The following CNTNAP3B variants were observed in gnomAD, a reference collection of about 807,000 sequenced individuals.
CNTNAP3B encodes the protein contactin associated protein family member 3B.
Under a neutral mutation model 108.9 loss-of-function variants are expected in CNTNAP3B, and 25 were observed. That is an observed-to-expected ratio of 0.23 (90% CI 0.17 to 0.32). The LOEUF (loss-of-function observed/expected upper bound fraction) is 0.32. Ranked by LOEUF, CNTNAP3B falls within the 10% of genes least tolerant of loss-of-function variation. The probability of loss-of-function intolerance (pLI) is 1.00; values close to 1 mark genes in which losing one functional copy is unlikely to be tolerated. For missense variants in CNTNAP3B, 252 were observed against 1,210.4 expected (o/e 0.21, Z 11.75); for synonymous variants, 103 against 473.4 (o/e 0.22, Z 10.16).
intron 2 of CNTNAP3B, among the ~76,000 whole-genome samples, chr9:42,077,582 A>G (rs1827518781): frequency 7.6e-6 from 1 of 132,146 alleles, no homozygotes. Flanking sequence ...TTGATTTCAC[A>G]AAAGTACAGA....
chr9:42,077,048 T>A lies in CNTNAP3B; in HGVS notation c.211A>T (p.Thr71Ser). Reference sequence around the variant, plus strand: ...TGGTATTTATTTGACACAAGTGGGGTCCAGCCACCAGCTCCTTTTTTGAAA... The same window carrying A: ...TGGTATTTATTTGACACAAGTGGGGACCAGCCACCAGCTCCTTTTTTGAAA... Reference protein sequence around the residue: ...LNRRDGAGGWTPLVSNKYQWL... With the variant: ...LNRRDGAGGWSPLVSNKYQWL... Residue 71 changes from threonine (T) to serine (S), a missense_variant, in exon 3 of 24, where the codon ACC (threonine) becomes TCC (serine). Physicochemically the swap from Thr to Ser is moderately conservative, Grantham distance 58 (BLOSUM62 1). Coordinates refer to ENST00000377561, the MANE Select transcript of CNTNAP3B (RefSeq NM_001201380.3). 1 of 1,536,660 alleles carries A rather than the reference T, an allele frequency of 6.5e-7. No homozygotes were observed. The highest frequency in any genetic ancestry group is 8.8e-7 in the Non-Finnish European group (1 of 1,137,936).
chr9:42,113,433 A>C lies in CNTNAP3B; in HGVS notation c.86-8694T>G, dbSNP rs1828237924. 1.4e-5 allele frequency among the ~76,000 whole-genome samples: 2 copies of C among 140,118 alleles called. 1 individual carries two copies. The highest frequency in any genetic ancestry group is 5.6e-5 in the African/African-American group (2 of 35,456). The allele number at this position is 140,118 out of a possible 152,430, so 91.9% of individuals were successfully genotyped here. ...TTTGGCTAAAGTATATAATACGAGA[A>C]TAAGACGAACCTATTTTTTTGAGAC... On this transcript the variant is annotated intron_variant, in intron 1 of 23. Transcript: ENST00000377561.
chr9:41,940,607 C>CAGG lies in CNTNAP3B; in HGVS notation c.2081-2208_2081-2207insCCT, dbSNP rs1343072039. On this transcript the variant is annotated intron_variant, in intron 13 of 23. Transcript: ENST00000377561. ...GGCCGAGGTGGGCGGATCACGAGGT[C>CAGG]AGATCGAGACCATCCTGGCTAACAC... 7.2e-5 allele frequency among the ~76,000 whole-genome samples: 11 copies of CAGG among 152,360 alleles called. No homozygotes were observed. The East Asian group carries it at 1.5e-3, about 21-fold the overall frequency.
intron 18 of CNTNAP3B, among the ~76,000 whole-genome samples, chr9:41,918,665 T>A (rs1823582423): frequency 7.1e-6 from 1 of 141,726 alleles, no homozygotes; most frequent in Non-Finnish European, 1.5e-5. Flanking sequence ...ACTTACCATA[T>A]AACGTCTATC....
intron 14 of CNTNAP3B, among the ~76,000 whole-genome samples, chr9:41,935,004 G>C (rs1282166674): frequency 6.6e-6 from 1 of 152,096 alleles, no homozygotes; most frequent in African/African-American, 2.4e-5. Context: ...ACAACTTGTG[G>C]ATTTTTGCAG....
At chr9:41,983,709 A>T (rs1587175325) in intron 9 of CNTNAP3B, 2 of 91,000 alleles carry the variant, frequency 2.2e-5, no homozygotes, top group African/African-American at 8.3e-5. Context: ...TTTTCTGAGG[A>T]CTCCTATGTT....
intron 10 of CNTNAP3B, among the ~76,000 whole-genome samples, chr9:41,968,662 CACTA>C (rs1293389903): frequency 1.4e-5 from 2 of 142,522 alleles, no homozygotes; most frequent in African/African-American, 2.7e-5. Flanking sequence ...TTTAGTATGT[CACTA>C]ACTGTGAGTT....
At chr9:41,990,565 C>T (rs1400121735) in intron 8 of CNTNAP3B, among the ~76,000 whole-genome samples, 1 of 122,770 alleles carries the variant, frequency 8.1e-6, no homozygotes, top group Non-Finnish European at 1.7e-5. Context: ...GTCACATGTG[C>T]CTCTTACAGC....
intron 1 of CNTNAP3B, among the ~76,000 whole-genome samples, chr9:42,123,790 T>G (rs2118751532): frequency 7.4e-6 from 1 of 135,228 alleles, no homozygotes; most frequent in South Asian, 2.4e-4. Context: ...TATACTATTA[T>G]ACATATATAT....
At chr9:41,939,071 A>G (rs1336770379) in intron 13 of CNTNAP3B, among the ~76,000 whole-genome samples, 1 of 152,290 alleles carries the variant, frequency 6.6e-6, no homozygotes, top group African/African-American at 2.4e-5. Context: ...TGATTAAATG[A>G]TAGAGTCAGA....
At chr9:41,967,903 T>A (rs1343352422) in intron 10 of CNTNAP3B, among the ~76,000 whole-genome samples, 2 of 152,262 alleles carry the variant, frequency 1.3e-5, no homozygotes, top group Admixed American at 1.3e-4. Context: ...GGCTGAAGTT[T>A]AAGTGTGGCT....
intron 2 of CNTNAP3B, among the ~76,000 whole-genome samples, chr9:42,103,149 T>G (rs1828029526): frequency 7.9e-6 from 1 of 126,150 alleles, no homozygotes; most frequent in South Asian, 2.5e-4. Context: ...TTACCCCCTG[T>G]GCCCAGGCTT....
intron 15 of CNTNAP3B, among the ~76,000 whole-genome samples, chr9:41,925,198 T>C (rs1218436240): frequency 6.7e-6 from 1 of 148,504 alleles, no homozygotes; most frequent in African/African-American, 2.5e-5. Flanking sequence ...TACAATATAT[T>C]GATGGCTCCT....
At chr9:42,003,164 C>A (rs1216974338) in intron 4 of CNTNAP3B, among the ~76,000 whole-genome samples, 1 of 140,042 alleles carries the variant, frequency 7.1e-6, no homozygotes, top group Non-Finnish European at 1.5e-5. Context: ...GCTGGGATTA[C>A]AGGCATAAGC....
intron 1 of CNTNAP3B, among the ~76,000 whole-genome samples, chr9:42,111,329 G>A (rs1256180200): frequency 7.2e-6 from 1 of 139,000 alleles, no homozygotes; most frequent in Non-Finnish European, 1.5e-5. Flanking sequence ...ATGTTCTGGG[G>A]ATATAACCAT....
At chr9:41,933,230 G>T (rs1308058412) in intron 14 of CNTNAP3B, among the ~76,000 whole-genome samples, 5 of 152,396 alleles carry the variant, frequency 3.3e-5, no homozygotes, top group East Asian at 3.9e-4. Flanking sequence ...TTGTCATGGG[G>T]GGGGCTGTCC....
intron 3 of CNTNAP3B, among the ~76,000 whole-genome samples, chr9:42,075,317 T>TG (rs1410966865): frequency 6.9e-6 from 1 of 144,632 alleles, no homozygotes; most frequent in Non-Finnish European, 1.5e-5. Flanking sequence ...CATATGTCTT[T>TG]GGGAAACCAC....
At chr9:41,920,989 G>A (rs1417715448) in intron 17 of CNTNAP3B, among the ~76,000 whole-genome samples, 1 of 152,300 alleles carries the variant, frequency 6.6e-6, no homozygotes, top group African/African-American at 2.4e-5. Flanking sequence ...CACCTGTGTA[G>A]TGACAAACAC....
intron 13 of CNTNAP3B, among the ~76,000 whole-genome samples, chr9:41,941,470 A>T (rs1484127010): frequency 1.3e-5 from 2 of 151,436 alleles, no homozygotes; most frequent in Non-Finnish European, 2.9e-5. Context: ...TTAAAAAAAA[A>T]TCACCAGGAA....
Sources: gnomAD v4.1 joint callset for allele counts (sites outside exome capture counted in the v4.1 genomes callset) on GRCh38, gnomAD v4.1.1 for gene constraint, MANE v1.5 for transcripts, NCBI Gene and HGNC (gene_info 2026-07-23, HGNC 2026-07-21) for gene names.